SH2D4A: variants seen among roughly 807,000 people sequenced by gnomAD.
SH2D4A encodes SH2 domain containing 4A.
Under a neutral mutation model 64.7 loss-of-function variants are expected in SH2D4A, and 70 were observed. That is an observed-to-expected ratio of 1.08 (90% CI 0.89 to 1.32). The LOEUF is 1.32. Ranked by LOEUF, SH2D4A falls within the 40% of genes most tolerant of loss-of-function variation. The probability of loss-of-function intolerance (pLI) is 0.00; values close to 1 mark genes in which losing one functional copy is unlikely to be tolerated. For synonymous variants in SH2D4A, 268 were observed against 200.7 expected, an observed-to-expected ratio of 1.34 and a Z score of -2.83; for missense variants, 706 against 540.1, an observed-to-expected ratio of 1.31 and a Z score of -3.04.
chr8:19,335,011 C>T (rs906891230), intron 4 of SH2D4A, among the ~76,000 whole-genome samples, 154 bp downstream of exon 4: 11 of 152,178 alleles, frequency 7.2e-5, no homozygotes, highest in East Asian at 1.9e-4. Flanking sequence ...AGGGCAGGCA[C>T]GGTGGCTCAT....
chr8:19,373,201 T>G (rs933177681), intron 7 of SH2D4A, among the ~76,000 whole-genome samples: 7 of 151,946 alleles, frequency 4.6e-5, no homozygotes, highest in Non-Finnish European at 7.4e-5. Flanking sequence ...TATTCCTTCC[T>G]CTTCTGCCCT....
At chr8:19,339,688 A>G (rs1402077436) in intron 4 of SH2D4A, among the ~76,000 whole-genome samples, 1 of 151,858 alleles carries the variant, frequency 6.6e-6, no homozygotes, top group Non-Finnish European at 1.5e-5. Context: ...TTTTATAGTG[A>G]TGGGATCTCG....
rs1055089298 is a variant in SH2D4A, at chr8:19,313,881, G to A, written c.-205+58G>A. ...AGAGTGTGCGTGGGGTGGGAGTAGG[G>A]GGAAGGGAATTTCCTCGGAGGTTGC... On this transcript the variant is annotated intron_variant, in intron 1 of 9. Transcript: ENST00000265807. 6 of 1,387,912 alleles carry A rather than the reference G, an allele frequency of 4.3e-6. No individual in the cohort carries two copies. The African/African-American group carries it at 7.6e-5, about 17-fold the overall frequency. The allele number at this position is 1,387,912 out of a possible 1,614,324, so 86.0% of individuals were successfully genotyped here. A position where few individuals can be genotyped will look rare whatever the true frequency, so the allele number is the denominator to read the frequency against.
intron 4 of SH2D4A, among the ~76,000 whole-genome samples, chr8:19,336,748 T>A (rs2052452118): frequency 6.6e-6 from 1 of 152,006 alleles, no homozygotes; most frequent in Non-Finnish European, 1.5e-5. Context: ...ATGCCTGTAG[T>A]CCTAGCAACT....
intron 6 of SH2D4A, among the ~76,000 whole-genome samples, chr8:19,363,209 AG>A (rs2052924121): frequency 6.6e-6 from 1 of 151,886 alleles, no homozygotes; most frequent in South Asian, 2.1e-4. Context: ...CCCAGTAGCT[AG>A]GATTACAGGC....
rs58695585 is a variant in SH2D4A at position 19,332,691 on chromosome 8, C to CAA, written c.182-243_182-242dup. On this transcript the variant is annotated intron_variant, in intron 2 of 9. Coordinates refer to ENST00000265807, the MANE Select transcript of SH2D4A (RefSeq NM_022071.4). ...AGCCTGGGCAACAGTGTGAGACTGT[C>CAA]AAAAAAAAAAAAAAAAAAAAAAGCA... 5.0e-4 allele frequency among the ~76,000 whole-genome samples: 41 copies of CAA among 81,600 alleles called. 1 individual carries two copies. The highest frequency in any genetic ancestry group is 3.8e-3 in the East Asian group (9 of 2,396). 53.5% of individuals were successfully genotyped at this position (81,600 alleles called of 152,430 possible).
intron 4 of SH2D4A, among the ~76,000 whole-genome samples, chr8:19,347,513 C>T (rs756562191): frequency 3.9e-5 from 6 of 152,134 alleles, no homozygotes; most frequent in Non-Finnish European, 7.3e-5. Context: ...CAGACTCTGC[C>T]AACTGAAAAA....
At chr8:19,392,338 A>G (rs7003014) in intron 8 of SH2D4A, among the ~76,000 whole-genome samples, 4,275 of 152,206 alleles carry the variant, frequency 0.028, 211 homozygotes, top group African/African-American at 0.099. Flanking sequence ...CTCTGTCACT[A>G]AATTACTGAG....
intron 5 of SH2D4A, among the ~76,000 whole-genome samples, chr8:19,359,980 A>G (rs1403961558): frequency 6.6e-6 from 1 of 152,224 alleles, no homozygotes; most frequent in Admixed American, 6.5e-5. Context: ...TTGCTTAGCT[A>G]ACCAAGGCTT....
chr8:19,373,463 T>TAC, intron 7 of SH2D4A, 67 bp from the exon 8 acceptor site: 2 of 1,082,230 alleles, frequency 1.8e-6, no homozygotes, highest in South Asian at 2.0e-5. Flanking sequence ...TATATATATA[T>TAC]ATGACTTTTG....
intron 2 of SH2D4A, among the ~76,000 whole-genome samples, chr8:19,323,402 A>G (rs529783378): frequency 6.7e-6 from 1 of 148,564 alleles, no homozygotes; most frequent in Non-Finnish European, 1.5e-5. Flanking sequence ...TTTTTGAGAC[A>G]GAGTCTCTTG....
At chr8:19,394,458 A>T (rs1319177092) in intron 9 of SH2D4A, 92 bp from the exon 10 acceptor site, 2 of 806,814 alleles carry the variant, frequency 2.5e-6, no homozygotes, top group Non-Finnish European at 3.8e-6. Context: ...TGTGTAAATC[A>T]TGGGTAGGCA....
rs1287406558 is a variant in SH2D4A at position 19,373,645 on chromosome 8, GC to G, written c.1038del (p.Trp347GlyfsTer16). 2 of 1,613,052 alleles carry G rather than the reference GC, an allele frequency of 1.2e-6. No homozygotes were observed. ...CTACCAGAAAACCTCAGACACCATA[GC>G]CCCCTGGTTCCATGGTGAGTGCAGA... is the stretch of plus-strand genomic sequence containing the variant. Reference protein sequence around the residue: ...AGYQKTSDTIAPWFHGILTLK... With the variant: ...AGYQKTSDTIXPWFHGILTLK... On this transcript the variant is annotated frameshift_variant, in exon 8 of 10. Transcript: ENST00000265807. LOFTEE classifies it high-confidence loss of function.
intron 4 of SH2D4A, among the ~76,000 whole-genome samples, chr8:19,339,699 C>G (rs1019790742): frequency 1.3e-5 from 2 of 151,994 alleles, no homozygotes; most frequent in African/African-American, 4.8e-5. Flanking sequence ...TGGGATCTCG[C>G]TGTATTGCCC....
intron 7 of SH2D4A, among the ~76,000 whole-genome samples, chr8:19,371,075 TAA>T (rs1354416830): frequency 6.6e-6 from 1 of 152,154 alleles, no homozygotes; most frequent in African/African-American, 2.4e-5. Context: ...ATCTTGTTAT[TAA>T]AGTTATTTTT....
chr8:19,374,047 G>A (rs1367083446), intron 8 of SH2D4A, among the ~76,000 whole-genome samples: 1 of 152,182 alleles, frequency 6.6e-6, no homozygotes, highest in Non-Finnish European at 1.5e-5. Flanking sequence ...ACAGGACACT[G>A]GCTGAGCAAC....
intron 4 of SH2D4A, among the ~76,000 whole-genome samples, chr8:19,339,946 A>G (rs2052501385): frequency 6.6e-6 from 1 of 152,192 alleles, no homozygotes; most frequent in Admixed American, 6.5e-5. Flanking sequence ...CACTGCTCTC[A>G]TGATATTTTG....
chr8:19,378,005 C>G (rs746321784), intron 8 of SH2D4A, among the ~76,000 whole-genome samples: 3 of 152,148 alleles, frequency 2.0e-5, no homozygotes, highest in African/African-American at 7.2e-5. Flanking sequence ...CCATTCCTCA[C>G]AATGGAATCT....
chr8:19,366,619 AC>A (rs1417070995), intron 7 of SH2D4A, among the ~76,000 whole-genome samples: 2 of 152,014 alleles, frequency 1.3e-5, no homozygotes, highest in African/African-American at 4.8e-5. Flanking sequence ...ACATGGTGAA[AC>A]CCCGTATTTA....
Sources: gnomAD v4.1 joint callset for allele counts (sites outside exome capture counted in the v4.1 genomes callset) on GRCh38, gnomAD v4.1.1 for gene constraint, MANE v1.5 for transcripts, NCBI Gene and HGNC (gene_info 2026-07-23, HGNC 2026-07-21) for gene names.